Variants in TUSC3 observed in about 807,000 individuals in gnomAD.
TUSC3 encodes dolichyl-diphosphooligosaccharide--protein glycosyltransferase subunit TUSC3.
A neutral mutation model predicts 44.8 loss-of-function variants in TUSC3; 45 were observed. The observed-to-expected ratio is 1.00, with a 90% CI of 0.79 to 1.29. TUSC3 has a LOEUF of 1.29. Among genes scored for constraint, TUSC3 ranks in the 50% most tolerant of loss-of-function variants. The pLI is 0.00. For synonymous variants in TUSC3, 212 were observed against 152.9 expected (o/e 1.39, Z -2.85); for missense variants, 519 against 437.9 (o/e 1.19, Z -1.65).
At chr8:15,578,726 A>G (rs2129145900) in intron 1 of TUSC3, among the ~76,000 whole-genome samples, 1 of 152,146 alleles carries the variant, frequency 6.6e-6, no homozygotes, top group East Asian at 1.9e-4. Context: ...CCAGTATTTT[A>G]TTGAGGATTT....
intron 1 of TUSC3, among the ~76,000 whole-genome samples, chr8:15,575,593 C>T (rs1187475273): frequency 6.6e-6 from 1 of 152,020 alleles, no homozygotes; most frequent in Non-Finnish European, 1.5e-5. Flanking sequence ...ATGGTGAAAA[C>T]CCGTCTCTAT....
At chr8:15,507,475 A>AT (rs1307320138) in intron 2 of TUSC3, among the ~76,000 whole-genome samples, 15 of 152,298 alleles carry the variant, frequency 9.8e-5, no homozygotes, top group Non-Finnish European at 2.1e-4. Flanking sequence ...TACATGGAAA[A>AT]GCATCTTTTT....
chr8:15,783,057 A>G, the TUSC3 span, among the ~76,000 whole-genome samples: 2 of 152,226 alleles, frequency 1.3e-5, no homozygotes, highest in African/African-American at 2.4e-5. Flanking sequence ...ATTTCCATAC[A>G]CTAACAATGA....
intron 6 of TUSC3, among the ~76,000 whole-genome samples, chr8:15,698,911 TCA>T (rs1374349717): frequency 2.0e-5 from 3 of 151,828 alleles, no homozygotes; most frequent in Non-Finnish European, 4.4e-5. Context: ...AGTGGCGTGA[TCA>T]CAGCCTACTT....
the TUSC3 span, among the ~76,000 whole-genome samples, chr8:15,786,672 T>C: frequency 2.0e-5 from 3 of 152,126 alleles, no homozygotes; most frequent in South Asian, 4.2e-4. Flanking sequence ...GGGCCAGGCA[T>C]GGTGTCTCAC....
At chr8:15,462,645 A>C (rs923913173) in intron 1 of TUSC3, among the ~76,000 whole-genome samples, 1 of 152,138 alleles carries the variant, frequency 6.6e-6, no homozygotes, top group African/African-American at 2.4e-5. Context: ...TTGTATAGAC[A>C]TGGCAAAAAG....
intron 1 of TUSC3, among the ~76,000 whole-genome samples, chr8:15,473,076 A>T (rs185150451): frequency 3.2e-4 from 48 of 152,308 alleles, no homozygotes; most frequent in African/African-American, 1.1e-3. Flanking sequence ...AAATATCTCA[A>T]CTTGGGCCTG....
the TUSC3 span, among the ~76,000 whole-genome samples, chr8:15,823,387 A>G: frequency 1.3e-5 from 2 of 152,162 alleles, no homozygotes; most frequent in African/African-American, 4.8e-5. Context: ...ACTCACACTC[A>G]TCTTTAAACT....
intron 2 of TUSC3, among the ~76,000 whole-genome samples, chr8:15,522,486 G>T (rs377634530): frequency 2.5e-4 from 38 of 151,510 alleles, no homozygotes; most frequent in African/African-American, 9.2e-4. Flanking sequence ...ACCCGCCTTG[G>T]CCTCCCAAAG....
intron 6 of TUSC3, among the ~76,000 whole-genome samples, chr8:15,696,383 T>G (rs1474819097): frequency 6.6e-6 from 1 of 152,130 alleles, no homozygotes; most frequent in African/African-American, 2.4e-5. Context: ...AACCTCTGTA[T>G]AGATTTCAGA....
intron 1 of TUSC3, among the ~76,000 whole-genome samples, chr8:15,617,689 T>C (rs1805057055): frequency 6.6e-6 from 1 of 152,254 alleles, no homozygotes; most frequent in Non-Finnish European, 1.5e-5. Flanking sequence ...CTTTTTCTCT[T>C]TGGCTTTAAG....
At chr8:15,511,353 G>C (rs890795046) in intron 2 of TUSC3, among the ~76,000 whole-genome samples, 9 of 152,102 alleles carry the variant, frequency 5.9e-5, no homozygotes, top group African/African-American at 2.2e-4. Context: ...AGTTTTGGTA[G>C]ATGATATGAT....
intron 2 of TUSC3, among the ~76,000 whole-genome samples, chr8:15,627,653 G>C (rs1805576203): frequency 6.6e-6 from 1 of 152,208 alleles, no homozygotes; most frequent in African/African-American, 2.4e-5. Flanking sequence ...GTGTCTCCAA[G>C]CTTCCGGTGC....
At chr8:15,612,100 C>T (rs910722065) in intron 1 of TUSC3, among the ~76,000 whole-genome samples, 19 of 152,150 alleles carry the variant, frequency 1.2e-4, no homozygotes, top group African/African-American at 4.6e-4. Context: ...TCAACATGTA[C>T]GTCTTGTTCT....
At chr8:15,530,677 G>A (rs1262418796) in intron 2 of TUSC3, among the ~76,000 whole-genome samples, 2 of 152,110 alleles carry the variant, frequency 1.3e-5, no homozygotes, top group Non-Finnish European at 2.9e-5. Context: ...CATTCACCAG[G>A]ACGGAAACAA....
At chr8:15,479,094 G>A (rs1228193764) in intron 1 of TUSC3, among the ~76,000 whole-genome samples, 4 of 152,146 alleles carry the variant, frequency 2.6e-5, no homozygotes, top group Admixed American at 6.5e-5. Flanking sequence ...TGAGAAGTAT[G>A]TGTTCATGTC....
At chr8:15,586,557 A>G (rs1415549490) in intron 1 of TUSC3, among the ~76,000 whole-genome samples, 1 of 152,188 alleles carries the variant, frequency 6.6e-6, no homozygotes, top group African/African-American at 2.4e-5. Flanking sequence ...AGGCCCAGCC[A>G]GGACACACAC....
chr8:15,757,860 G>C lies in TUSC3; in HGVS notation c.*46+5G>C, dbSNP rs753256323. 1.4e-6 allele frequency: 2 copies of C among 1,379,500 alleles called. No individual in the cohort carries two copies. The highest frequency in any genetic ancestry group is 1.7e-5 in the Admixed American group (1 of 59,646). 85.5% of individuals were successfully genotyped at this position (1,379,500 alleles called of 1,614,324 possible). On this transcript the variant is annotated splice_donor_5th_base_variant and intron_variant, in intron 10 of 10. Transcript: ENST00000503731. ...TTAAAAACTCTATAACCTCAGGCAA[G>C]TCTTTTAATCTTCTCTGAGCCTCAG...
At chr8:15,432,055 G>A in intron 1 of TUSC3, among the ~76,000 whole-genome samples, 1 of 151,804 alleles carries the variant, frequency 6.6e-6, no homozygotes, top group Non-Finnish European at 1.5e-5. Context: ...GTGTTCATCA[G>A]GGATATTGGC....
Sources: gnomAD v4.1 joint callset for allele counts (sites outside exome capture counted in the v4.1 genomes callset) on GRCh38, gnomAD v4.1.1 for gene constraint, MANE v1.5 for transcripts, NCBI Gene and HGNC (gene_info 2026-07-23, HGNC 2026-07-21) for gene names.